Variants in C14orf39 observed in about 807,000 individuals in gnomAD.
C14orf39 encodes chromosome 14 open reading frame 39.
C14orf39 carries 66 observed loss-of-function variants against 85.6 expected under a neutral mutation model. That is an observed-to-expected ratio of 0.77 (90% CI 0.63 to 0.95). The LOEUF (loss-of-function observed/expected upper bound fraction) is 0.95. Ranked by LOEUF, C14orf39 falls within the 40% of genes least tolerant of loss-of-function variation. The pLI, the probability that C14orf39 is intolerant of heterozygous loss-of-function variation, is 0.00. For synonymous variants in C14orf39, 242 were observed against 214.0 expected, an observed-to-expected ratio of 1.13 and a Z score of -1.14; for missense variants, 735 against 663.9, an observed-to-expected ratio of 1.11 and a Z score of -1.18.
At chr14:60,445,932 G>T (rs1890743562) in intron 16 of C14orf39, among the ~76,000 whole-genome samples, 1 of 152,120 alleles carries the variant, frequency 6.6e-6, no homozygotes, top group Non-Finnish European at 1.5e-5. Flanking sequence ...ACAACTACAT[G>T]GAAACTGAAC....
intron 4 of C14orf39, among the ~76,000 whole-genome samples, chr14:60,481,834 G>A (rs192833326): frequency 4.3e-4 from 66 of 151,898 alleles, no homozygotes; most frequent in African/African-American, 1.2e-3. Context: ...ATTTCTACAA[G>A]TACTTTATGT....
rs1205740285 is a variant in C14orf39, at chr14:60,484,319, T to C, written c.107-502A>G. On this transcript the variant is annotated intron_variant, in intron 3 of 17. Transcript: ENST00000321731. This position sits in a 1 kb window ranked among gnomAD's most constrained non-coding sequence, Gnocchi z 4.2. ...TTCTTAAAAAGATTAAAATAAATTC[T>C]TAATATTCTGTATTCTTTTTTGATT... Among the ~76,000 whole-genome samples, 2 of 152,224 alleles carry C rather than the reference T, an allele frequency of 1.3e-5. No homozygotes were observed. The highest frequency in any genetic ancestry group is 1.3e-4 in the Admixed American group (2 of 15,286).
rs771479607 is a variant in C14orf39, at chr14:60,484,881, T to C, written c.106A>G (p.Lys36Glu). 3 of 1,554,710 alleles carry C rather than the reference T, an allele frequency of 1.9e-6. No individual in the cohort carries two copies. The highest frequency in any genetic ancestry group is 2.6e-6 in the Non-Finnish European group (3 of 1,140,352). The change falls in exon 3 of 18, where the codon AAA becomes GAA. Residue 36 changes from lysine (K) to glutamate (E), a missense_variant and splice_region_variant. Coordinates refer to ENST00000321731, the MANE Select transcript of C14orf39 (RefSeq NM_174978.3). This position sits in a 1 kb window ranked among gnomAD's most constrained non-coding sequence, Gnocchi z 4.2. Reference protein sequence around the residue: ...TKEEMIQRINKCCEDIKENKV... With the variant: ...TKEEMIQRINECCEDIKENKV... ...ATCTTGATCATGCAAAGCTACTTAC[T>C]ATTAATTCTTTGAATCATCTCTTCT...
chr14:60,510,084 G>A lies in C14orf39; in HGVS notation c.-144+5311C>T, dbSNP rs537272925. On this transcript the variant is annotated intron_variant, in intron 1 of 5. Coordinates refer to the C14orf39 transcript ENST00000556799. ...CTCCAATTCAGCAGGAGTTGGGAGC[G>A]CGGTCTGTCTTGGGTTAAGAGCCCT... The A allele has an allele frequency of 1.0e-5, 10 of 975,114 alleles. No individual in the cohort carries two copies. In the African/African-American group the frequency reaches 1.5e-4, roughly 14 times the overall value. The allele number at this position is 975,114 out of a possible 1,614,324, so 60.4% of individuals were successfully genotyped here.
intron 2 of C14orf39, chr14:60,495,492 AAAGAC>A (rs1386566182): frequency 5.3e-6 from 1 of 187,572 alleles, no homozygotes; most frequent in African/African-American, 2.3e-5. Context: ...TCCCTGTTAC[AAAGAC>A]AAGTTGGCTG....
At chr14:60,494,951 T>C (rs1374918474) in intron 2 of C14orf39, 1 of 157,656 alleles carries the variant, frequency 6.3e-6, no homozygotes, top group Non-Finnish European at 1.4e-5. Context: ...CTGGCCATCA[T>C]TGGCTCAAGA....
In C14orf39 at chr14:60,451,396, T is replaced by G. The variant is rs566036578; in HGVS notation, c.1503+3605A>C. 4.6e-5 allele frequency among the ~76,000 whole-genome samples: 7 copies of G among 152,264 alleles called. 1 individual carries two copies. The South Asian group carries it at 1.5e-3, about 32-fold the overall frequency. On this transcript the variant is annotated intron_variant, in intron 16 of 17. Coordinates refer to ENST00000321731, the MANE Select transcript of C14orf39 (RefSeq NM_174978.3). ...TATAAAGACACATGCACACGTATGT[T>G]TATTGCGGCACTATTCACAATAGCA...
rs1346199404 is a variant in C14orf39 at position 60,458,669 on chromosome 14, T to C, written c.1179+9A>G. 19 of 1,584,280 alleles carry C rather than the reference T, an allele frequency of 1.2e-5. No homozygotes were observed. The highest frequency in any genetic ancestry group is 1.5e-5 in the Non-Finnish European group (17 of 1,160,982). On this transcript the variant is annotated intron_variant, in intron 14 of 17. Transcript: ENST00000321731. ...TGCTTAGAAATTAGAGATCAAACAT[T>C]TGACTTACTTGTGAAGTACATTTTG... is the stretch of plus-strand genomic sequence containing the variant.
At chr14:60,441,603 A>T (rs1890514132) in intron 17 of C14orf39, among the ~76,000 whole-genome samples, 1 of 152,206 alleles carries the variant, frequency 6.6e-6, no homozygotes, top group Non-Finnish European at 1.5e-5. Context: ...AGAATTTTTC[A>T]TTCTTGTCCA....
At chr14:60,470,477 T>A (rs959457145) in intron 7 of C14orf39, among the ~76,000 whole-genome samples, 75 of 151,930 alleles carry the variant, frequency 4.9e-4, no homozygotes, top group African/African-American at 1.8e-3. Context: ...AAATGTTAGG[T>A]ACAGATAATT....
intron 17 of C14orf39, among the ~76,000 whole-genome samples, chr14:60,439,830 T>C (rs958264520): frequency 4.6e-5 from 7 of 152,224 alleles, no homozygotes; most frequent in African/African-American, 1.7e-4. Flanking sequence ...TCCCAGCACT[T>C]TGGGAGGCCG....
chr14:60,510,758 G>C (rs1374811988), intron 1 of C14orf39, among the ~76,000 whole-genome samples: 1 of 152,198 alleles, frequency 6.6e-6, no homozygotes, highest in African/African-American at 2.4e-5. Context: ...CCCACACTTC[G>C]TTTATTTCCT....
intron 1 of C14orf39, among the ~76,000 whole-genome samples, chr14:60,510,681 T>G (rs762968137): frequency 6.6e-6 from 1 of 152,228 alleles, no homozygotes. Context: ...TGCTCAGGCG[T>G]AAGCCCCAGG....
At chr14:60,447,024 A>T (rs938473621) in intron 16 of C14orf39, among the ~76,000 whole-genome samples, 1 of 152,186 alleles carries the variant, frequency 6.6e-6, no homozygotes, top group Non-Finnish European at 1.5e-5. Flanking sequence ...AACTCTCAAT[A>T]AACTAGGTAT....
chr14:60,490,266 C>T (rs894038947), upstream of C14orf39, among the ~76,000 whole-genome samples: 1 of 152,016 alleles, frequency 6.6e-6, no homozygotes, highest in Non-Finnish European at 1.5e-5. Context: ...TTGCAAACAA[C>T]AGAAATTAAT....
At position 60,509,444 on chromosome 14, in the gene C14orf39, G is replaced by A. The variant is rs1240398966; in HGVS notation, c.-144+5951C>T. The A allele has an allele frequency of 3.1e-6, 5 of 1,599,734 alleles. No homozygotes were observed. In the Admixed American group the frequency reaches 6.7e-5, roughly 21 times the overall value. ...GAATTTCAGCCCCCAGCAAGTGGCC[G>A]GGGTATGTGAGACCCTGGAAGAGAG... On this transcript the variant is annotated intron_variant, in intron 1 of 5. Transcript: ENST00000556799.
chr14:60,439,123 T>C (rs1220395471), intron 17 of C14orf39, among the ~76,000 whole-genome samples: 1 of 152,200 alleles, frequency 6.6e-6, no homozygotes, highest in Non-Finnish European at 1.5e-5. Flanking sequence ...TACCCTGATT[T>C]GATCATTACA....
intron 2 of C14orf39, chr14:60,494,294 C>T (rs1163167873): frequency 1.2e-5 from 2 of 163,204 alleles, no homozygotes; most frequent in Non-Finnish European, 1.3e-5. Flanking sequence ...TATAGTGGAC[C>T]TTCAAGTTGC....
intron 16 of C14orf39, among the ~76,000 whole-genome samples, chr14:60,453,725 C>T (rs1255610456): frequency 6.6e-6 from 1 of 151,142 alleles, no homozygotes; most frequent in African/African-American, 2.4e-5. Flanking sequence ...GACCACTTTC[C>T]CCCAGGACAG....
Sources: gnomAD v4.1 joint callset for allele counts (sites outside exome capture counted in the v4.1 genomes callset) on GRCh38, gnomAD v4.1.1 for gene constraint, Gnocchi (gnomAD v3.1) non-coding constraint, MANE v1.5 for transcripts, NCBI Gene and HGNC (gene_info 2026-07-23, HGNC 2026-07-21) for gene names.